Variants in GLI3 observed in about 807,000 individuals in gnomAD.
GLI3 encodes transcription activator GLI3.
In GLI3, 20 loss-of-function variants were observed where a neutral mutation model predicts 100.8. The ratio of observed to expected loss-of-function variants is 0.20; its 90% CI spans 0.14 to 0.29. The LOEUF is 0.29. Ranked by LOEUF, GLI3 falls within the 10% of genes least tolerant of loss-of-function variation. GLI3 has a pLI of 1.00. For synonymous variants in GLI3, 938 were observed against 860.5 expected (o/e 1.09, Z -1.58); for missense variants, 2,040 against 2,128.5 (o/e 0.96, Z 0.82).
chr7:42,072,377 T>C (rs561045799), intron 4 of GLI3, among the ~76,000 whole-genome samples: 1 of 152,146 alleles, frequency 6.6e-6, no homozygotes, highest in Non-Finnish European at 1.5e-5. Context: ...ATGAATGAAA[T>C]CAAATTGGAA....
At chr7:42,069,004 G>C (rs1461602551) in intron 4 of GLI3, among the ~76,000 whole-genome samples, 2 of 152,262 alleles carry the variant, frequency 1.3e-5, no homozygotes, top group East Asian at 3.9e-4. Flanking sequence ...TGTACTCAAA[G>C]AAAAAAGTCT....
chr7:41,986,144 T>G (rs1322695447), intron 10 of GLI3, among the ~76,000 whole-genome samples: 2 of 152,210 alleles, frequency 1.3e-5, no homozygotes, highest in African/African-American at 4.8e-5. Context: ...TAAAGCAATT[T>G]CTTATTTCTG....
In GLI3 at chr7:42,104,041, T is replaced by A. The variant is rs78373096; in HGVS notation, c.368-27184A>T. 2.7e-3 allele frequency among the ~76,000 whole-genome samples: 410 copies of A among 152,288 alleles called. 1 individual carries two copies. Among genetic ancestry groups the A allele is most frequent in the African/African-American group, 9.6e-3 (397 of 41,562 alleles). ...TCTCTTTCCTTGACTGTTCACTGTA[T>A]CTCTGAGGACGATGTGCTTTGTTTG... On this transcript the variant is annotated intron_variant, in intron 3 of 14. Transcript: ENST00000395925.
At chr7:41,981,390 C>T (rs1787664570) in intron 10 of GLI3, among the ~76,000 whole-genome samples, 1 of 152,194 alleles carries the variant, frequency 6.6e-6, no homozygotes, top group South Asian at 2.1e-4. Context: ...CACATACACC[C>T]CAGGGGAAAG....
At chr7:42,162,104 G>A (rs1034117673) in intron 2 of GLI3, among the ~76,000 whole-genome samples, 4 of 152,210 alleles carry the variant, frequency 2.6e-5, no homozygotes, top group African/African-American at 4.8e-5. Context: ...GAGAAGGGAC[G>A]CAGAGGCTAC....
chr7:42,131,692 G>A (rs1786280511), intron 3 of GLI3, among the ~76,000 whole-genome samples: 1 of 152,210 alleles, frequency 6.6e-6, no homozygotes, highest in Non-Finnish European at 1.5e-5. Flanking sequence ...TCCAGAAGAT[G>A]AGATGTGGAT....
intron 1 of GLI3, among the ~76,000 whole-genome samples, chr7:42,233,616 G>C (rs1788735708): frequency 6.6e-6 from 1 of 152,044 alleles, no homozygotes; most frequent in African/African-American, 2.4e-5. Context: ...TAAAGTCTTC[G>C]CCAGTCTACA....
intron 2 of GLI3, among the ~76,000 whole-genome samples, chr7:42,220,716 T>C (rs150066073): frequency 8.3e-4 from 126 of 152,386 alleles, no homozygotes; most frequent in African/African-American, 2.9e-3. Flanking sequence ...AAAGGGTTTA[T>C]TGTCCTTTCT....
chr7:42,157,442 T>A (rs1345100593), intron 2 of GLI3, among the ~76,000 whole-genome samples: 1 of 152,148 alleles, frequency 6.6e-6, no homozygotes, highest in African/African-American at 2.4e-5. Flanking sequence ...GCCACAGACA[T>A]GACGCTAGCT....
chr7:42,037,214 T>C (rs961430136), intron 7 of GLI3, among the ~76,000 whole-genome samples: 10 of 152,288 alleles, frequency 6.6e-5, no homozygotes, highest in African/African-American at 2.4e-4. Context: ...TGAGTGAGCA[T>C]GAGCCGTGCA....
At position 42,043,041 on chromosome 7, in the gene GLI3, C is replaced by T. The variant is rs78666471; in HGVS notation, c.826+2343G>A. Among the ~76,000 whole-genome samples the T allele has an allele frequency of 6.9e-3, 1,051 of 152,242 alleles. 15 individuals carry two copies. The highest frequency in any genetic ancestry group is 0.023 in the African/African-American group (960 of 41,538). On this transcript the variant is annotated intron_variant, in intron 6 of 14. Transcript: ENST00000395925. ...TTTAAAAGTCAGGTGCTTACCTGAA[C>T]CCAGTTTATTGAGGGTTGTGTTAAT...
At chr7:42,009,688 T>C (rs1368519068) in intron 10 of GLI3, among the ~76,000 whole-genome samples, 3 of 152,098 alleles carry the variant, frequency 2.0e-5, no homozygotes, top group African/African-American at 7.2e-5. Flanking sequence ...GGAGAACGGG[T>C]CTCATCGGCG....
At chr7:42,136,828 T>G (rs759747583) in intron 3 of GLI3, among the ~76,000 whole-genome samples, 10 of 152,138 alleles carry the variant, frequency 6.6e-5, no homozygotes, top group Non-Finnish European at 1.5e-4. Flanking sequence ...AAACTGGCAA[T>G]GCCACCACCT....
chr7:42,237,220 C>T (rs1054690914), upstream of GLI3, among the ~76,000 whole-genome samples: 5 of 150,770 alleles, frequency 3.3e-5, no homozygotes, highest in African/African-American at 1.2e-4. Context: ...GCGAGCGCGC[C>T]GGTGGCGCTG....
intron 3 of GLI3, among the ~76,000 whole-genome samples, chr7:42,082,151 G>A (rs980812554): frequency 6.6e-6 from 1 of 151,762 alleles, no homozygotes; most frequent in African/African-American, 2.4e-5. Flanking sequence ...GCAGGAGAGG[G>A]AGAGAAGAGG....
rs149749546 is a variant in GLI3 at position 42,197,690 on chromosome 7, G to A, written c.124+25440C>T. ...TATGTTCCGGTCAGCGGGAGGTACA[G>A]TTCGCTACTCACAGGCCTAAAAGCA... On this transcript the variant is annotated intron_variant, in intron 2 of 14. Coordinates refer to ENST00000395925, the MANE Select transcript of GLI3 (RefSeq NM_000168.6). 9.5e-4 allele frequency among the ~76,000 whole-genome samples: 144 copies of A among 152,356 alleles called. 1 individual carries two copies. Among genetic ancestry groups the A allele is most frequent in the African/African-American group, 3.2e-3 (132 of 41,594 alleles).
At chr7:42,026,776 A>G (rs1203609347) in intron 7 of GLI3, among the ~76,000 whole-genome samples, 1 of 152,256 alleles carries the variant, frequency 6.6e-6, no homozygotes, top group Non-Finnish European at 1.5e-5. Flanking sequence ...GTTCCTGTGC[A>G]TGGAGCAATT....
At chr7:42,168,845 G>T (rs1321550592) in intron 2 of GLI3, among the ~76,000 whole-genome samples, 14 of 152,166 alleles carry the variant, frequency 9.2e-5, no homozygotes, top group Admixed American at 9.2e-4. Context: ...CTGAGCCTGG[G>T]AGGTTAAGGC....
intron 3 of GLI3, among the ~76,000 whole-genome samples, chr7:42,120,307 C>A (rs757751750): frequency 6.6e-6 from 1 of 152,112 alleles, no homozygotes; most frequent in Non-Finnish European, 1.5e-5. Flanking sequence ...TCTCTAAGGC[C>A]GGGAGTGAAG....
Sources: allele counts gnomAD v4.1 joint callset (sites outside exome capture counted in the v4.1 genomes callset), GRCh38; gene constraint gnomAD v4.1.1; transcripts MANE v1.5; gene names NCBI Gene and HGNC (gene_info 2026-07-23, HGNC 2026-07-21).